PAQR5: variants seen among roughly 807,000 people sequenced by gnomAD.
PAQR5 encodes the protein membrane progestin receptor gamma.
PAQR5 carries 20 observed loss-of-function variants against 34.5 expected under a neutral mutation model. That is an observed-to-expected ratio of 0.58 (90% CI 0.41 to 0.84). The LOEUF is 0.84. Among genes scored for constraint, PAQR5 ranks in the 40% least tolerant of loss-of-function variants. The pLI is 0.00. For synonymous variants in PAQR5, 131 were observed against 155.6 expected (o/e 0.84, Z 1.18); for missense variants, 378 against 412.7 (o/e 0.92, Z 0.73).
intron 6 of PAQR5, among the ~76,000 whole-genome samples, chr15:69,392,710 A>G (rs2056306690): frequency 6.6e-6 from 1 of 152,194 alleles, no homozygotes; most frequent in Admixed American, 6.5e-5. Flanking sequence ...ACAAATAATG[A>G]TAAGGCAGAA....
chr15:69,306,831 A>G (rs1227671704), intron 1 of PAQR5, among the ~76,000 whole-genome samples: 1 of 152,142 alleles, frequency 6.6e-6, no homozygotes, highest in Non-Finnish European at 1.5e-5. Context: ...CCCAGTAAAC[A>G]ATAATTTCCC....
At chr15:69,389,273 G>C (rs2056192200) in intron 5 of PAQR5, among the ~76,000 whole-genome samples, 1 of 152,212 alleles carries the variant, frequency 6.6e-6, no homozygotes, top group South Asian at 2.1e-4. Context: ...TAACCTGTCT[G>C]GGTTTGAAAC....
chr15:69,352,645 G>A (rs1003345759), intron 2 of PAQR5, among the ~76,000 whole-genome samples: 15 of 152,194 alleles, frequency 9.9e-5, no homozygotes, highest in Admixed American at 6.5e-5. Context: ...CAGCGCTATG[G>A]CCCTTCTATG....
chr15:69,341,681 G>A (rs529469948), intron 2 of PAQR5, among the ~76,000 whole-genome samples: 8 of 152,038 alleles, frequency 5.3e-5, no homozygotes, highest in African/African-American at 1.4e-4. Flanking sequence ...TCAGGCCGTC[G>A]CACCTGTAAT....
intron 2 of PAQR5, among the ~76,000 whole-genome samples, chr15:69,347,189 G>A (rs571064556): frequency 6.6e-6 from 1 of 152,288 alleles, no homozygotes; most frequent in South Asian, 2.1e-4. Flanking sequence ...GGATTAGCAA[G>A]AGAGTTCTTA....
At chr15:69,344,358 A>G (rs976768494) in intron 2 of PAQR5, among the ~76,000 whole-genome samples, 1 of 152,192 alleles carries the variant, frequency 6.6e-6, no homozygotes, top group South Asian at 2.1e-4. Flanking sequence ...ACTAATTCGC[A>G]TATCTCTAAT....
intron 6 of PAQR5, among the ~76,000 whole-genome samples, chr15:69,395,437 G>C (rs2056395299): frequency 6.6e-6 from 1 of 152,174 alleles, no homozygotes; most frequent in Admixed American, 6.5e-5. Context: ...CCTATTATCT[G>C]GACCAACATA....
chr15:69,350,577 A>T (rs28829648), intron 2 of PAQR5, among the ~76,000 whole-genome samples: 6,506 of 152,166 alleles, frequency 0.043, 460 homozygotes, highest in African/African-American at 0.15. Context: ...CAAGAGGTGG[A>T]GGCTGCAGTG....
chr15:69,362,085 G>T (rs989368027), intron 3 of PAQR5, among the ~76,000 whole-genome samples: 1 of 152,192 alleles, frequency 6.6e-6, no homozygotes, highest in Non-Finnish European at 1.5e-5. Flanking sequence ...GGGCAGAGTG[G>T]TATCAATAGG....
At chr15:69,320,498 C>T (rs1025022998) in intron 1 of PAQR5, among the ~76,000 whole-genome samples, 4 of 151,988 alleles carry the variant, frequency 2.6e-5, no homozygotes, top group Non-Finnish European at 5.9e-5. Context: ...ATTGCATGCT[C>T]GGGTAAGATC....
At chr15:69,398,402 T>A (rs1469191132) in intron 7 of PAQR5, among the ~76,000 whole-genome samples, 1 of 152,198 alleles carries the variant, frequency 6.6e-6, no homozygotes, top group African/African-American at 2.4e-5. Flanking sequence ...CACAACTCTC[T>A]AAGCCTCAGA....
At position 69,343,588 on chromosome 15, in the gene PAQR5, A is replaced by G. The variant is rs76137898; in HGVS notation, c.-116+6087A>G. Among the ~76,000 whole-genome samples the G allele has an allele frequency of 3.3e-3, 510 of 152,348 alleles. 4 individuals carry two copies. The highest frequency in any genetic ancestry group is 0.012 in the African/African-American group (499 of 41,582). On this transcript the variant is annotated intron_variant, in intron 2 of 8. Coordinates refer to ENST00000395407, the MANE Select transcript of PAQR5 (RefSeq NM_017705.4). The stretch of plus-strand genomic sequence containing the variant: ...AATCATTGCAGATGAACTTAAGCCA[A>G]TTGCTTATTCACAATAACTGTCTTT...
intron 2 of PAQR5, among the ~76,000 whole-genome samples, chr15:69,345,609 TG>T (rs1312614697): frequency 6.6e-6 from 1 of 152,244 alleles, no homozygotes; most frequent in East Asian, 1.9e-4. Flanking sequence ...TTGCCTGTTT[TG>T]TTTTCTTTTT....
chr15:69,339,645 T>C (rs966769853), intron 2 of PAQR5, among the ~76,000 whole-genome samples: 3 of 152,160 alleles, frequency 2.0e-5, no homozygotes, highest in Admixed American at 6.5e-5. Context: ...GCAATTTTTG[T>C]ATTTTTTATT....
At chr15:69,374,593 C>T (rs2055653928) in intron 3 of PAQR5, among the ~76,000 whole-genome samples, 1 of 152,188 alleles carries the variant, frequency 6.6e-6, no homozygotes, top group Non-Finnish European at 1.5e-5. Flanking sequence ...ATGAGAATCA[C>T]TTGAACCCAG....
chr15:69,317,187 C>T (rs935872309), intron 1 of PAQR5, among the ~76,000 whole-genome samples: 2 of 152,252 alleles, frequency 1.3e-5, no homozygotes, highest in Admixed American at 6.5e-5. Context: ...ATCTCCATTT[C>T]ACAAGGGAGG....
At chr15:69,301,959 G>A (rs1423953465) in intron 1 of PAQR5, among the ~76,000 whole-genome samples, 2 of 147,132 alleles carry the variant, frequency 1.4e-5, no homozygotes, top group Non-Finnish European at 3.0e-5. Flanking sequence ...GTGAGTACAG[G>A]GACAGCTCTC....
chr15:69,404,992 C>T lies in PAQR5; in HGVS notation c.*1170C>T. ...TTACATGTTCCAAAAGGCATTAGACCTATCAGCTTTGTTTCGCCTGATCTC... is the reference window on the plus strand; with the variant it reads ...TTACATGTTCCAAAAGGCATTAGACTTATCAGCTTTGTTTCGCCTGATCTC... On this transcript the variant is annotated 3_prime_UTR_variant, in exon 9 of 9. Coordinates refer to ENST00000395407, the MANE Select transcript of PAQR5 (RefSeq NM_017705.4). 2.5e-6 allele frequency: 1 copy of T among 398,628 alleles called. No individual in the cohort carries two copies. The highest frequency in any genetic ancestry group is 4.4e-6 in the Non-Finnish European group (1 of 226,058). 24.7% of individuals were successfully genotyped at this position (398,628 alleles called of 1,614,324 possible). A position where few individuals can be genotyped will look rare whatever the true frequency, so the allele number is the denominator to read the frequency against.
At chr15:69,384,460 G>A (rs1165817020) in intron 4 of PAQR5, among the ~76,000 whole-genome samples, 9 of 44,760 alleles carry the variant, frequency 2.0e-4, no homozygotes, top group African/African-American at 5.5e-4. Context: ...CGTGTTCATG[G>A]TGGAGGGTGA....
Sources: gnomAD v4.1 joint callset for allele counts (sites outside exome capture counted in the v4.1 genomes callset) on GRCh38, gnomAD v4.1.1 for gene constraint, MANE v1.5 for transcripts, NCBI Gene and HGNC (gene_info 2026-07-23, HGNC 2026-07-21) for gene names.